Variants in FRMD4B observed in about 807,000 individuals in gnomAD.
The protein encoded by FRMD4B is FERM domain containing 4B.
In FRMD4B, 74 loss-of-function variants were observed where a neutral mutation model predicts 141.5. That is an observed-to-expected ratio of 0.52 (90% CI 0.43 to 0.63). The LOEUF (loss-of-function observed/expected upper bound fraction) is 0.63, where lower values mean the gene tolerates loss of function less well. FRMD4B is among the 30% of genes least tolerant of loss of function. The pLI is 0.00. For missense variants in FRMD4B, 1,366 were observed against 1,253.4 expected (o/e 1.09, Z -1.36); for synonymous variants, 506 against 467.9 (o/e 1.08, Z -1.05).
chr3:69,271,502 A>G (rs1396694622), intron 5 of FRMD4B, among the ~76,000 whole-genome samples: 1 of 152,234 alleles, frequency 6.6e-6, no homozygotes, highest in Non-Finnish European at 1.5e-5. Context: ...GTTAAAGATG[A>G]CAGGTATAAC....
chr3:69,195,581 C>A (rs76641825), intron 14 of FRMD4B, among the ~76,000 whole-genome samples: 7,098 of 152,134 alleles, frequency 0.047, 510 homozygotes, highest in East Asian at 0.28. Flanking sequence ...TGCATCCTGG[C>A]TCAGTCATTT....
intron 1 of FRMD4B, among the ~76,000 whole-genome samples, chr3:69,360,065 C>G (rs531517347): frequency 1.1e-4 from 17 of 152,236 alleles, no homozygotes; most frequent in Admixed American, 7.9e-4. Context: ...GATTTCCTTC[C>G]TGTCTTTCTG....
intron 1 of FRMD4B, among the ~76,000 whole-genome samples, chr3:69,362,958 C>G (rs1399122300): frequency 6.6e-6 from 1 of 150,444 alleles, no homozygotes; most frequent in Non-Finnish European, 1.5e-5. Flanking sequence ...CCTTCAAGTC[C>G]TGAGCTTATA....
chr3:69,456,821 T>C (rs1257398664), intron 1 of FRMD4B, among the ~76,000 whole-genome samples: 1 of 151,578 alleles, frequency 6.6e-6, no homozygotes, highest in Non-Finnish European at 1.5e-5. Context: ...ACTGGCTAAA[T>C]AAAGTTTTAT....
At chr3:69,358,011 C>T (rs1384958570) in intron 1 of FRMD4B, among the ~76,000 whole-genome samples, 1 of 152,200 alleles carries the variant, frequency 6.6e-6, no homozygotes, top group Non-Finnish European at 1.5e-5. Flanking sequence ...GAAAAATTTG[C>T]AGCCTGGACC....
intron 21 of FRMD4B, 135 bp downstream of exon 21, chr3:69,180,764 T>C (rs1357072112): frequency 8.0e-6 from 5 of 626,802 alleles, no homozygotes; most frequent in Non-Finnish European, 1.4e-5. Context: ...AAATTCTTAT[T>C]GTGGGGTTCC....
chr3:69,388,359 T>C (rs2106713295), upstream of FRMD4B, among the ~76,000 whole-genome samples: 1 of 152,292 alleles, frequency 6.6e-6, no homozygotes. Context: ...GCTCTCAAAG[T>C]GTGGTCACTG....
chr3:69,458,722 G>T (rs1359141433), intron 1 of FRMD4B, among the ~76,000 whole-genome samples: 1 of 151,866 alleles, frequency 6.6e-6, no homozygotes, highest in Non-Finnish European at 1.5e-5. Context: ...TTCAAACATG[G>T]CTTAGAAAAA....
intron 1 of FRMD4B, among the ~76,000 whole-genome samples, chr3:69,352,416 T>A (rs1213017242): frequency 2.6e-5 from 4 of 152,216 alleles, no homozygotes; most frequent in Non-Finnish European, 5.9e-5. Context: ...CTATTCCAGT[T>A]CCTATTGTGA....
At chr3:69,176,861 C>A (rs565451346) in intron 21 of FRMD4B, among the ~76,000 whole-genome samples, 35 of 152,094 alleles carry the variant, frequency 2.3e-4, no homozygotes, top group Middle Eastern at 3.4e-3. Context: ...GCCTCAGTTT[C>A]CTCATCTATA....
chr3:69,294,794 T>C (rs1230273269), intron 4 of FRMD4B, among the ~76,000 whole-genome samples: 1 of 152,148 alleles, frequency 6.6e-6, no homozygotes, highest in African/African-American at 2.4e-5. Flanking sequence ...TAAAACAGCC[T>C]GCTCTAGTCC....
chr3:69,275,984 T>A (rs1022077268), intron 5 of FRMD4B, among the ~76,000 whole-genome samples: 8 of 152,296 alleles, frequency 5.3e-5, no homozygotes, highest in Admixed American at 5.2e-4. Context: ...ACAATAATAC[T>A]ATATTGACTG....
intron 1 of FRMD4B, among the ~76,000 whole-genome samples, chr3:69,325,056 G>C (rs1331762980): frequency 9.3e-6 from 1 of 107,142 alleles, no homozygotes; most frequent in Non-Finnish European, 1.8e-5. Context: ...TCCAGCCTGG[G>C]CAACAGTGAG....
chr3:69,362,789 A>G (rs1358497831), intron 1 of FRMD4B, among the ~76,000 whole-genome samples: 2 of 152,126 alleles, frequency 1.3e-5, no homozygotes, highest in African/African-American at 4.8e-5. Context: ...AGAACTGTGA[A>G]TTTTAAACAA....
chr3:69,376,689 T>C (rs907772867), intron 1 of FRMD4B: 2 of 145,010 alleles, frequency 1.4e-5, no homozygotes, highest in Admixed American at 1.5e-4. Context: ...CTGTTATGTA[T>C]GTACATATAT....
chr3:69,525,827 A>ATT lies in FRMD4B; in HGVS notation c.-129+16377_-129+16378dup, dbSNP rs113241532. ...GCCACCATGCCTGGCTAAGTTTTGT[A>ATT]TTTTTTTTTTTTGTAGAGATGGGGT... On this transcript the variant is annotated intron_variant, in intron 1 of 5. Coordinates refer to the FRMD4B transcript ENST00000459638. Among the ~76,000 whole-genome samples, 6 of 142,840 alleles carry ATT rather than the reference A, an allele frequency of 4.2e-5. No individual in the cohort carries two copies. In the East Asian group the frequency reaches 6.1e-4, roughly 15 times the overall value. 93.7% of individuals were successfully genotyped at this position (142,840 alleles called of 152,430 possible).
In FRMD4B at chr3:69,410,334, T is replaced by G. The variant is rs142905989; in HGVS notation, c.-1+22300A>C. On this transcript the variant is annotated intron_variant, in intron 2 of 5. Coordinates refer to the FRMD4B transcript ENST00000459638. ...CTGTGCCTAAGAGTGAGTGTGTGAA[T>G]GCAGGGGTAAGCGTGTGAATATCTG... Among the ~76,000 whole-genome samples the G allele has an allele frequency of 4.9e-3, 743 of 152,228 alleles. 4 individuals are homozygous for G. Among genetic ancestry groups the G allele is most frequent in the African/African-American group, 0.017 (696 of 41,536 alleles).
chr3:69,518,593 G>A (rs1372560669), intron 1 of FRMD4B, among the ~76,000 whole-genome samples: 1 of 152,202 alleles, frequency 6.6e-6, no homozygotes, highest in African/African-American at 2.4e-5. Flanking sequence ...CATTGTAGCA[G>A]AGAATGTAAC....
At position 69,386,005 on chromosome 3, in the gene FRMD4B, C is replaced by G. The variant is rs1383101794; in HGVS notation, c.-16G>C. 1 of 1,564,008 alleles carries G rather than the reference C, an allele frequency of 6.4e-7. No homozygotes were observed. Among genetic ancestry groups the G allele is most frequent in the South Asian group, 1.2e-5 (1 of 84,844 alleles). On this transcript the variant is annotated 5_prime_UTR_variant, in exon 1 of 23. Coordinates refer to ENST00000398540, the MANE Select transcript of FRMD4B (RefSeq NM_015123.3). ...CCGAAGCCATGCCTCCTCCTTCGCTCTGAACCCGGGCGTCCCGGCTCTCGT... is the reference window on the plus strand; with the variant it reads ...CCGAAGCCATGCCTCCTCCTTCGCTGTGAACCCGGGCGTCCCGGCTCTCGT...
Sources: allele counts gnomAD v4.1 joint callset (sites outside exome capture counted in the v4.1 genomes callset), GRCh38; gene constraint gnomAD v4.1.1; transcripts MANE v1.5; gene names NCBI Gene and HGNC (gene_info 2026-07-23, HGNC 2026-07-21).